CELF5: variants seen among roughly 807,000 people sequenced by gnomAD.
CELF5 encodes CUG-BP and ETR-3 like factor 5.
CELF5 carries 6 observed loss-of-function variants against 54.9 expected under a neutral mutation model. The observed-to-expected ratio is 0.11, with a 90% CI of 0.06 to 0.22. The LOEUF (loss-of-function observed/expected upper bound fraction) is 0.22. Ranked by LOEUF, CELF5 falls within the 10% of genes least tolerant of loss-of-function variation. CELF5 has a pLI of 1.00. For missense variants in CELF5, 401 were observed against 678.6 expected, an observed-to-expected ratio of 0.59 and a Z score of 4.54; for synonymous variants, 271 against 290.9, an observed-to-expected ratio of 0.93 and a Z score of 0.70.
intron 1 of CELF5, among the ~76,000 whole-genome samples, chr19:3,236,912 C>A (rs1230221876): frequency 6.6e-6 from 1 of 151,402 alleles, no homozygotes; most frequent in South Asian, 2.1e-4. Flanking sequence ...TCGCTTGAAC[C>A]CGGGAGGCGG....
At chr19:3,259,777 T>TG (rs2079782725) in intron 2 of CELF5, among the ~76,000 whole-genome samples, 1 of 147,368 alleles carries the variant, frequency 6.8e-6, no homozygotes, top group Non-Finnish European at 1.5e-5. Context: ...TGTCACGACG[T>TG]GGGGGTGCTG....
chr19:3,251,110 GCT>G (rs2079641376), intron 2 of CELF5, 43 bp downstream of exon 2: 1 of 1,486,972 alleles, frequency 6.7e-7, no homozygotes, highest in Non-Finnish European at 9.4e-7. Flanking sequence ...ACAGGGGATG[GCT>G]CTCAGCCTGG....
At chr19:3,262,228 C>T (rs2079815708) in intron 2 of CELF5, among the ~76,000 whole-genome samples, 1 of 152,034 alleles carries the variant, frequency 6.6e-6, no homozygotes, top group African/African-American at 2.4e-5. Flanking sequence ...GGCATTTCTC[C>T]ATGTTGGCCA....
chr19:3,246,483 C>T (rs2145043552), intron 1 of CELF5, among the ~76,000 whole-genome samples: 1 of 152,240 alleles, frequency 6.6e-6, no homozygotes, highest in East Asian at 1.9e-4. Flanking sequence ...GCAGGAGGAT[C>T]ACTTGAGCCC....
chr19:3,289,894 C>G (rs749553261), intron 10 of CELF5, among the ~76,000 whole-genome samples: 1 of 151,914 alleles, frequency 6.6e-6, no homozygotes, highest in Non-Finnish European at 1.5e-5. Flanking sequence ...TGGAGGGTGG[C>G]CTTCCTCGGG....
chr19:3,224,823 G>T lies in CELF5; in HGVS notation c.84G>T (p.Gly28=), dbSNP rs1252174330. 9 of 1,571,342 alleles carry T rather than the reference G, an allele frequency of 5.7e-6. No homozygotes were observed. The highest frequency in any genetic ancestry group is 7.8e-6 in the Non-Finnish European group (9 of 1,159,972). ...QPRPSPVGSS[G]PEPPGGQPDG... is the part of the protein sequence containing the mutation. ...GGCCCTCGCCCGTGGGCAGCAGCGGGCCCGAGCCCCCCGGGGGGCAGCCCG... is the reference window on the plus strand; with the variant it reads ...GGCCCTCGCCCGTGGGCAGCAGCGGTCCCGAGCCCCCCGGGGGGCAGCCCG... The change falls in exon 1 of 13, where the codon GGG becomes GGT. Residue 28 remains glycine, a synonymous_variant. Transcript: ENST00000292672.
chr19:3,264,192 T>C (rs1213494007), intron 2 of CELF5, among the ~76,000 whole-genome samples: 1 of 152,042 alleles, frequency 6.6e-6, no homozygotes, highest in African/African-American at 2.4e-5. Context: ...GAGGATCGCT[T>C]GAGCCCAGGA....
chr19:3,276,324 G>A (rs1555724905), intron 4 of CELF5, among the ~76,000 whole-genome samples: 1 of 150,780 alleles, frequency 6.6e-6, no homozygotes, highest in Non-Finnish European at 1.5e-5. Context: ...CTGCAGGGGT[G>A]GGGAGGAGCT....
At chr19:3,264,694 G>A (rs1346580438) in intron 2 of CELF5, among the ~76,000 whole-genome samples, 2 of 149,890 alleles carry the variant, frequency 1.3e-5, no homozygotes, top group Non-Finnish European at 3.0e-5. Context: ...GGGATTACAG[G>A]CGTGAGCCAC....
At chr19:3,279,893 G>C (rs2080119062) in intron 5 of CELF5, among the ~76,000 whole-genome samples, 2 of 152,130 alleles carry the variant, frequency 1.3e-5, no homozygotes, top group Admixed American at 1.3e-4. Flanking sequence ...AGTAGAGACG[G>C]GGTTTCACCA....
At chr19:3,248,525 G>T (rs567167689) in intron 1 of CELF5, among the ~76,000 whole-genome samples, 4 of 152,218 alleles carry the variant, frequency 2.6e-5, no homozygotes, top group African/African-American at 7.2e-5. Flanking sequence ...GTTCACCCAC[G>T]TTGTGTCAGG....
intron 1 of CELF5, among the ~76,000 whole-genome samples, chr19:3,241,642 G>A (rs2079492884): frequency 6.6e-6 from 1 of 152,060 alleles, no homozygotes; most frequent in Admixed American, 6.6e-5. Flanking sequence ...TGTGGCTCAG[G>A]CTGAGGCTTC....
In CELF5 at chr19:3,224,940, G is replaced by A. The variant is rs147188919; in HGVS notation, c.201G>A (p.Gln67=). ...DEKDLKPLFE[Q]FGRIYELTVL... Reference sequence around the variant, plus strand: ...AGGACCTCAAGCCGCTCTTCGAGCAGTTCGGCCGCATCTACGAGCTCACGG... The same window carrying A: ...AGGACCTCAAGCCGCTCTTCGAGCAATTCGGCCGCATCTACGAGCTCACGG... Residue 67 remains glutamine (Q), a synonymous_variant, in exon 1 of 13, where the codon CAG becomes CAA. Transcript: ENST00000292672. 15 of 1,609,972 alleles carry A rather than the reference G, an allele frequency of 9.3e-6. No individual in the cohort carries two copies. In the African/African-American group the frequency reaches 1.9e-4, roughly 20 times the overall value.
At chr19:3,289,711 A>AAAAAAAAAAAAAC in intron 10 of CELF5, among the ~76,000 whole-genome samples, 1 of 148,916 alleles carries the variant, frequency 6.7e-6, no homozygotes, top group Non-Finnish European at 1.5e-5. Flanking sequence ...AAAAAAAAAA[A>AAAAAAAAAAAAAC]AAAATTAGCA....
rs1327161339 is a variant in CELF5, at chr19:3,285,860, G to A, written c.1103-82G>A. The A allele has an allele frequency of 7.2e-5, 10 of 139,160 alleles. No individual in the cohort carries two copies. The Admixed American group carries it at 1.5e-3, about 21-fold the overall frequency. 8.6% of individuals were successfully genotyped at this position (139,160 alleles called of 1,614,324 possible). A position where few individuals can be genotyped will look rare whatever the true frequency, so the allele number is the denominator to read the frequency against. ...CTTGGCCCCACCCTCTTATGGCCCC[G>A]CCCCCTCCCCGCCCAGCGGCCCAGG... is the stretch of plus-strand genomic sequence containing the variant. On this transcript the variant is annotated intron_variant, in intron 9 of 12. Transcript: ENST00000292672.
At chr19:3,241,038 C>G (rs1024202711) in intron 1 of CELF5, among the ~76,000 whole-genome samples, 2 of 151,508 alleles carry the variant, frequency 1.3e-5, no homozygotes, top group African/African-American at 4.9e-5. Flanking sequence ...GTGTGCAGTG[C>G]ATTGTCTATG....
chr19:3,289,681 CAAAAAAAAAAAAAAAAA>C (rs35144942), intron 10 of CELF5, among the ~76,000 whole-genome samples: 12,392 of 48,682 alleles, frequency 0.25, 1,037 homozygotes, highest in South Asian at 0.46. Context: ...GACTCCATCT[CAAAAAAAAAAAAAAAAA>C]AAAAAAAAAA....
At position 3,260,366 on chromosome 19, in the gene CELF5, C is replaced by T. The variant is rs8112641; in HGVS notation, c.342+9299C>T. Among the ~76,000 whole-genome samples, 59 of 152,258 alleles carry T rather than the reference C, an allele frequency of 3.9e-4. 1 individual carries two copies. The highest frequency in any genetic ancestry group is 1.3e-3 in the African/African-American group (56 of 41,538). The stretch of plus-strand genomic sequence containing the variant: ...TCCTGACCTCAGGTGATCCTCCCTA[C>T]CTCAAATGATCCCCCTGCCTCAGCC... On this transcript the variant is annotated intron_variant, in intron 2 of 12. Coordinates refer to ENST00000292672, the MANE Select transcript of CELF5 (RefSeq NM_021938.4).
In CELF5 at chr19:3,251,254, G is replaced by A. The variant is rs142610015; in HGVS notation, c.342+187G>A. ...ATTTATTGAGTGCCTACTGTGTGCC[G>A]TGCTCTATATTTCATACCAGAGTGG... On this transcript the variant is annotated intron_variant, in intron 2 of 12. Transcript: ENST00000292672. Among the ~76,000 whole-genome samples, 52 of 152,306 alleles carry A rather than the reference G, an allele frequency of 3.4e-4. No homozygotes were observed. The East Asian group carries it at 6.7e-3, about 20-fold the overall frequency.
Sources: gnomAD v4.1 joint callset for allele counts (sites outside exome capture counted in the v4.1 genomes callset) on GRCh38, gnomAD v4.1.1 for gene constraint, MANE v1.5 for transcripts, NCBI Gene and HGNC (gene_info 2026-07-23, HGNC 2026-07-21) for gene names.